The following VGLL3 variants were observed in gnomAD, a reference collection of about 807,000 sequenced individuals.
The protein encoded by VGLL3 is vestigial like family member 3, also known as transcription cofactor vestigial-like protein 3.
VGLL3 carries 18 observed loss-of-function variants against 29.2 expected under a neutral mutation model. The observed-to-expected ratio is 0.62, with a 90% CI of 0.43 to 0.91. The LOEUF is 0.91. VGLL3 is among the 40% of genes least tolerant of loss of function. VGLL3 has a pLI of 0.00. For synonymous variants in VGLL3, 180 were observed against 151.8 expected (o/e 1.19, Z -1.36); for missense variants, 440 against 413.2 (o/e 1.06, Z -0.56).
chr3:86,942,243 C>G lies in VGLL3; in HGVS notation c.*4781G>C, dbSNP rs1241176962. On this transcript the variant is annotated 3_prime_UTR_variant, in exon 4 of 4. Coordinates refer to ENST00000398399, the MANE Select transcript of VGLL3 (RefSeq NM_016206.4). ...GGCTGATTTCATTTCTGATCCCATACAGTTTCTGCTGTCTTTCCCTTGGCT... is the reference window on the plus strand; with the variant it reads ...GGCTGATTTCATTTCTGATCCCATAGAGTTTCTGCTGTCTTTCCCTTGGCT... 1 of 152,116 alleles carries G rather than the reference C, an allele frequency of 6.6e-6. No individual in the cohort carries two copies. The highest frequency in any genetic ancestry group is 1.9e-4 in the East Asian group (1 of 5,174). The allele number at this position is 152,116 out of a possible 1,614,324, so 9.4% of individuals were successfully genotyped here.
chr3:86,971,515 A>C (rs914800623), intron 2 of VGLL3, among the ~76,000 whole-genome samples: 5 of 152,232 alleles, frequency 3.3e-5, no homozygotes, highest in Non-Finnish European at 5.9e-5. Flanking sequence ...TGCACACTTT[A>C]AGTCTTCAAA....
At position 86,939,774 on chromosome 3, in the gene VGLL3, A is replaced by G. The variant is rs1704355073; in HGVS notation, c.*7250T>C. 1 of 152,402 alleles carries G rather than the reference A, an allele frequency of 6.6e-6. No homozygotes were observed. Among genetic ancestry groups the G allele is most frequent in the Admixed American group, 6.5e-5 (1 of 15,276 alleles). The allele number at this position is 152,402 out of a possible 1,614,324, so 9.4% of individuals were successfully genotyped here. Reference sequence around the variant, plus strand: ...GGAAGAAGAGGAAGTCAGTGATGTCATGTGAGAAGGTCTTGACCAGGTTGC... The same window carrying G: ...GGAAGAAGAGGAAGTCAGTGATGTCGTGTGAGAAGGTCTTGACCAGGTTGC... On this transcript the variant is annotated 3_prime_UTR_variant, in exon 4 of 4. Coordinates refer to ENST00000398399, the MANE Select transcript of VGLL3 (RefSeq NM_016206.4).
chr3:86,970,057 G>C (rs1027924467), intron 2 of VGLL3, among the ~76,000 whole-genome samples: 1 of 152,184 alleles, frequency 6.6e-6, no homozygotes, highest in African/African-American at 2.4e-5. Context: ...CTATGGAAAT[G>C]ATGAGTGGAG....
chr3:86,990,118 C>A (rs1376712977), intron 1 of VGLL3, among the ~76,000 whole-genome samples: 2 of 152,126 alleles, frequency 1.3e-5, no homozygotes. Flanking sequence ...CTAGTAACAC[C>A]CGATAGACAT....
intron 2 of VGLL3, among the ~76,000 whole-genome samples, chr3:86,971,256 A>G (rs114301274): frequency 0.012 from 1,868 of 152,344 alleles, 42 homozygotes; most frequent in African/African-American, 0.042. Context: ...TTTGGTTAAC[A>G]TAATTCGGCA....
At chr3:86,990,525 C>T in intron 1 of VGLL3, 93 bp downstream of exon 1, 1 of 1,298,616 alleles carries the variant, frequency 7.7e-7, no homozygotes, top group Non-Finnish European at 9.9e-7. Context: ...TCCTCTGCGC[C>T]ACGCGTGCCG....
intron 2 of VGLL3, among the ~76,000 whole-genome samples, chr3:86,974,339 G>A (rs769699212): frequency 1.3e-5 from 2 of 151,892 alleles, no homozygotes; most frequent in Non-Finnish European, 2.9e-5. Flanking sequence ...GGCTGGTCTC[G>A]AACTCCTGAC....
At chr3:86,981,164 C>T (rs72916098) in intron 1 of VGLL3, among the ~76,000 whole-genome samples, 13,911 of 151,946 alleles carry the variant, frequency 0.092, 1,730 homozygotes, top group African/African-American at 0.28. Flanking sequence ...CTGATACAAA[C>T]GTCAAATAGT....
chr3:86,976,144 TCCA>T (rs1053340614), intron 2 of VGLL3, among the ~76,000 whole-genome samples: 1 of 152,036 alleles, frequency 6.6e-6, no homozygotes, highest in Non-Finnish European at 1.5e-5. Flanking sequence ...GCATCTGTTC[TCCA>T]CCTATTACTT....
rs2232713 is a variant in VGLL3, at chr3:86,940,074, G to C, written c.*6950C>G. The C allele has an allele frequency of 1.3e-5, 2 of 152,118 alleles. No homozygotes were observed. Among genetic ancestry groups the C allele is most frequent in the African/African-American group, 4.8e-5 (2 of 41,430 alleles). The allele number at this position is 152,118 out of a possible 1,614,324, so 9.4% of individuals were successfully genotyped here. On this transcript the variant is annotated 3_prime_UTR_variant, in exon 4 of 4. Coordinates refer to ENST00000398399, the MANE Select transcript of VGLL3 (RefSeq NM_016206.4). ...TATGGTAGACAGTTAAAAAGCCTGC[G>C]CCAAATTATTTCATCTGTAATGCTG...
At chr3:86,977,203 GA>G (rs911517425) in intron 2 of VGLL3, among the ~76,000 whole-genome samples, 1 of 149,520 alleles carries the variant, frequency 6.7e-6, no homozygotes, top group Non-Finnish European at 1.5e-5. Context: ...AAGAAGCAAA[GA>G]AAAAAAAGAA....
chr3:86,952,214 G>A (rs1704632369), intron 3 of VGLL3, among the ~76,000 whole-genome samples: 1 of 152,036 alleles, frequency 6.6e-6, no homozygotes, highest in Admixed American at 6.5e-5. Flanking sequence ...AGCTGCCAGT[G>A]GATTGAACTA....
Position 86,969,122 on chromosome 3 carries a change from G to T in VGLL3, c.405C>A (p.Asp135Glu). 6.4e-7 allele frequency: 1 copy of T among 1,563,992 alleles called. No homozygotes were observed. Among genetic ancestry groups the T allele is most frequent in the Non-Finnish European group, 8.7e-7 (1 of 1,155,992 alleles). Residue 135 changes from aspartate to glutamate, a missense_variant and splice_region_variant, in exon 3 of 4, where the codon GAC becomes GAA. Asp to Glu is a conservative substitution (Grantham distance 45). Transcript: ENST00000398399. ...TCCGCTGGCTTGAGAGAGCTGAGCT[G>T]TCTGAGAAGACAGAAAATAAAAAAC... ...SKMGLTPLWR[D>E]SSALSSQRNS...
At chr3:86,948,782 AGAG>A (rs987137462) in intron 3 of VGLL3, among the ~76,000 whole-genome samples, 65 of 152,238 alleles carry the variant, frequency 4.3e-4, no homozygotes, top group African/African-American at 1.5e-3. Flanking sequence ...TTTCGAAAGA[AGAG>A]GAGGAGAAGG....
intron 1 of VGLL3, among the ~76,000 whole-genome samples, chr3:86,982,311 A>G (rs190054872): frequency 1.9e-3 from 287 of 151,758 alleles, no homozygotes; most frequent in African/African-American, 6.8e-3. Flanking sequence ...TGCCCAGCTA[A>G]TTTTTTGTAT....
chr3:86,952,170 C>G (rs1377605071), intron 3 of VGLL3, among the ~76,000 whole-genome samples: 2 of 152,182 alleles, frequency 1.3e-5, no homozygotes, highest in Admixed American at 1.3e-4. Context: ...CCTTTCAACT[C>G]AAATGGGATT....
In VGLL3 at chr3:86,942,714, T is replaced by A. The variant is rs1009208244; in HGVS notation, c.*4310A>T. The A allele has an allele frequency of 3.3e-5, 5 of 152,192 alleles. No individual in the cohort carries two copies. The highest frequency in any genetic ancestry group is 1.2e-4 in the African/African-American group (5 of 41,456). The allele number at this position is 152,192 out of a possible 1,614,324, so 9.4% of individuals were successfully genotyped here. A position where few individuals can be genotyped will look rare whatever the true frequency, so the allele number is the denominator to read the frequency against. ...TACATGCCACTTTAAGGTTAATTTA[T>A]TTTTCCTTCAGAAATGACATACTAA... On this transcript the variant is annotated 3_prime_UTR_variant, in exon 4 of 4. Transcript: ENST00000398399.
At chr3:86,949,965 G>A (rs892389960) in intron 3 of VGLL3, among the ~76,000 whole-genome samples, 23 of 152,148 alleles carry the variant, frequency 1.5e-4, no homozygotes, top group African/African-American at 5.3e-4. Context: ...TGAGGGTGGA[G>A]GGGGGCAAAA....
Position 86,944,599 on chromosome 3 carries a change from A to G in VGLL3, c.*2425T>C, listed in dbSNP as rs1452462019. ...GCTCACTTACAAATCTTTCCTGTGT[A>G]CAGCAGAAACCAGGTTCCCAACATT... On this transcript the variant is annotated 3_prime_UTR_variant, in exon 4 of 4. Transcript: ENST00000398399. The G allele has an allele frequency of 6.6e-6, 1 of 152,244 alleles. No homozygotes were observed. Among genetic ancestry groups the G allele is most frequent in the East Asian group, 1.9e-4 (1 of 5,188 alleles). 9.4% of individuals were successfully genotyped at this position (152,244 alleles called of 1,614,324 possible).
Sources: gnomAD v4.1 joint callset for allele counts (sites outside exome capture counted in the v4.1 genomes callset) on GRCh38, gnomAD v4.1.1 for gene constraint, MANE v1.5 for transcripts, NCBI Gene and HGNC (gene_info 2026-07-23, HGNC 2026-07-21) for gene names.